SHTN1: variants seen among roughly 807,000 people sequenced by gnomAD.
SHTN1 encodes shootin-1.
A neutral mutation model predicts 83.1 loss-of-function variants in SHTN1; 42 were observed. That is an observed-to-expected ratio of 0.51 (90% CI 0.39 to 0.65). SHTN1 has a LOEUF of 0.65. Ranked by LOEUF, SHTN1 falls within the 30% of genes least tolerant of loss-of-function variation. The pLI, the probability that SHTN1 is intolerant of heterozygous loss-of-function variation, is 0.00. For synonymous variants in SHTN1, 224 were observed against 247.7 expected, an observed-to-expected ratio of 0.90 and a Z score of 0.90; for missense variants, 622 against 737.8, an observed-to-expected ratio of 0.84 and a Z score of 1.82.
intron 3 of SHTN1, among the ~76,000 whole-genome samples, chr10:116,965,419 A>G (rs1194000672): frequency 6.6e-6 from 1 of 152,184 alleles, no homozygotes; most frequent in East Asian, 1.9e-4. Flanking sequence ...TGGGAGAGTG[A>G]GGCACAAGAA....
At chr10:117,076,390 G>T (rs1378298240) in intron 1 of SHTN1, among the ~76,000 whole-genome samples, 1 of 152,020 alleles carries the variant, frequency 6.6e-6, no homozygotes, top group East Asian at 1.9e-4. Context: ...TGCTTCAACT[G>T]CATCTCTCTT....
chr10:117,050,323 C>T (rs1852722825), intron 1 of SHTN1, among the ~76,000 whole-genome samples: 1 of 152,018 alleles, frequency 6.6e-6, no homozygotes, highest in South Asian at 2.1e-4. Flanking sequence ...GATTTCACTA[C>T]AGCCATTAAA....
At chr10:116,969,962 A>C (rs1450772622) in intron 2 of SHTN1, among the ~76,000 whole-genome samples, 1 of 152,238 alleles carries the variant, frequency 6.6e-6, no homozygotes, top group Admixed American at 6.5e-5. Flanking sequence ...ATATGAATAA[A>C]GCACAATTTT....
At chr10:117,076,532 G>A (rs1266733216) in intron 1 of SHTN1, among the ~76,000 whole-genome samples, 1 of 151,664 alleles carries the variant, frequency 6.6e-6, no homozygotes, top group Non-Finnish European at 1.5e-5. Flanking sequence ...GATCAACTCT[G>A]CCTGAAAAAT....
At chr10:117,012,163 GA>G (rs555876344) in intron 2 of SHTN1, among the ~76,000 whole-genome samples, 3 of 148,890 alleles carry the variant, frequency 2.0e-5, no homozygotes, top group Non-Finnish European at 3.0e-5. Flanking sequence ...AGAGAAAAAG[GA>G]AAAAAAACCC....
intron 2 of SHTN1, among the ~76,000 whole-genome samples, chr10:117,027,939 G>A (rs913962022): frequency 2.0e-5 from 3 of 152,196 alleles, no homozygotes; most frequent in African/African-American, 7.2e-5. Context: ...GAGTTTGGAG[G>A]GCTCAGAAGA....
chr10:117,051,911 A>G (rs1442803949), intron 1 of SHTN1, among the ~76,000 whole-genome samples: 6 of 150,082 alleles, frequency 4.0e-5, no homozygotes, highest in Non-Finnish European at 8.9e-5. Flanking sequence ...GAAATCCTAG[A>G]CAGAATAATT....
At chr10:116,982,406 C>T (rs1851057544) in intron 1 of SHTN1, among the ~76,000 whole-genome samples, 1 of 152,156 alleles carries the variant, frequency 6.6e-6, no homozygotes, top group Non-Finnish European at 1.5e-5. Context: ...CCATAAACAA[C>T]ACATACACAG....
intron 1 of SHTN1, among the ~76,000 whole-genome samples, chr10:117,123,742 T>TA (rs1462291780): frequency 6.9e-6 from 1 of 144,736 alleles, no homozygotes; most frequent in East Asian, 2.1e-4. Flanking sequence ...CCATCTTTAC[T>TA]AAAAATACAA....
At chr10:117,055,401 C>T (rs1852813517) in intron 1 of SHTN1, among the ~76,000 whole-genome samples, 1 of 152,168 alleles carries the variant, frequency 6.6e-6, no homozygotes, top group Admixed American at 6.6e-5. Flanking sequence ...AAATATTCTA[C>T]AGACTTTGGT....
intron 1 of SHTN1, among the ~76,000 whole-genome samples, chr10:117,120,394 C>T (rs1016745760): frequency 6.6e-6 from 1 of 151,610 alleles, no homozygotes; most frequent in African/African-American, 2.4e-5. Context: ...ACTACAGGCA[C>T]CCGCCACCAC....
intron 1 of SHTN1, among the ~76,000 whole-genome samples, chr10:117,122,206 ACT>A (rs1853939855): frequency 6.6e-6 from 1 of 151,972 alleles, no homozygotes; most frequent in African/African-American, 2.4e-5. Context: ...ACATGGTCTC[ACT>A]CTGTTACCCA....
chr10:116,902,193 A>C (rs1847769905), intron 15 of SHTN1, among the ~76,000 whole-genome samples: 1 of 152,192 alleles, frequency 6.6e-6, no homozygotes, highest in African/African-American at 2.4e-5. Flanking sequence ...AGAAACCACA[A>C]AATCCCAGGC....
At chr10:116,932,338 A>C (rs1394934492) in intron 9 of SHTN1, among the ~76,000 whole-genome samples, 9 of 152,182 alleles carry the variant, frequency 5.9e-5, no homozygotes, top group Non-Finnish European at 1.2e-4. Context: ...AGCAGCGGCA[A>C]CAGACTGTCA....
intron 16 of SHTN1, among the ~76,000 whole-genome samples, chr10:116,892,828 C>T (rs56004012): frequency 0.052 from 7,854 of 152,152 alleles, 664 homozygotes; most frequent in African/African-American, 0.17. Flanking sequence ...AAAAACCTCC[C>T]CTCTACTCCA....
At chr10:116,940,639 T>C (rs751492315) in intron 8 of SHTN1, 27 bp from the exon 9 acceptor site, 12 of 1,556,350 alleles carry the variant, frequency 7.7e-6, no homozygotes. Flanking sequence ...CAAGAATGTA[T>C]ATATCAATCA....
chr10:117,066,093 C>G (rs1852996983), intron 1 of SHTN1, among the ~76,000 whole-genome samples: 2 of 152,068 alleles, frequency 1.3e-5, no homozygotes, highest in South Asian at 4.2e-4. Context: ...GGAAAAGAAA[C>G]ATTAGAAATA....
chr10:116,973,412 C>T (rs924776752), intron 2 of SHTN1, among the ~76,000 whole-genome samples: 7 of 152,132 alleles, frequency 4.6e-5, no homozygotes, highest in African/African-American at 1.7e-4. Flanking sequence ...TCTATACATA[C>T]GCAAGTACAT....
chr10:116,896,543 A>C (rs1847527899), intron 16 of SHTN1, among the ~76,000 whole-genome samples: 1 of 152,184 alleles, frequency 6.6e-6, no homozygotes, highest in African/African-American at 2.4e-5. Flanking sequence ...TACATCTGCA[A>C]TGGTGGCGAA....
Sources: gnomAD v4.1 joint callset for allele counts (sites outside exome capture counted in the v4.1 genomes callset) on GRCh38, gnomAD v4.1.1 for gene constraint, MANE v1.5 for transcripts, NCBI Gene and HGNC (gene_info 2026-07-23, HGNC 2026-07-21) for gene names.